Variants in AKAP13 observed in about 807,000 individuals in gnomAD.
AKAP13 encodes A-kinase anchor protein 13.
A neutral mutation model predicts 264.5 loss-of-function variants in AKAP13; 80 were observed. The observed-to-expected ratio is 0.30, with a 90% confidence interval of 0.25 to 0.36. The LOEUF (loss-of-function observed/expected upper bound fraction) is 0.36. Among genes scored for constraint, AKAP13 ranks in the 10% least tolerant of loss-of-function variants. AKAP13 has a pLI of 1.00. For missense variants in AKAP13, 3,712 were observed against 3,435.2 expected (o/e 1.08, Z -2.01); for synonymous variants, 1,380 against 1,250.2 (o/e 1.10, Z -2.19).
chr15:85,399,012 A>T (rs2071257836), intron 1 of AKAP13, among the ~76,000 whole-genome samples: 1 of 152,092 alleles, frequency 6.6e-6, no homozygotes, highest in Non-Finnish European at 1.5e-5. Flanking sequence ...CCTTATACAT[A>T]CATCTGTGTG....
chr15:85,706,005 CAT>C (rs1478551090), intron 17 of AKAP13, among the ~76,000 whole-genome samples: 4 of 152,230 alleles, frequency 2.6e-5, no homozygotes, highest in Non-Finnish European at 4.4e-5. Context: ...CGCTGAAAAA[CAT>C]AGATCTACTA....
At chr15:85,451,875 G>A (rs1248882602) in intron 1 of AKAP13, among the ~76,000 whole-genome samples, 2 of 152,190 alleles carry the variant, frequency 1.3e-5, no homozygotes, top group Non-Finnish European at 2.9e-5. Context: ...GAATATTGCA[G>A]GAGTTCTTTG....
chr15:85,541,381 C>A (rs559896231), intron 4 of AKAP13, among the ~76,000 whole-genome samples: 1 of 152,178 alleles, frequency 6.6e-6, no homozygotes, highest in African/African-American at 2.4e-5. Context: ...ATTGTAGGAT[C>A]TAGGTTGTTG....
intron 1 of AKAP13, among the ~76,000 whole-genome samples, chr15:85,399,944 C>CTTAT (rs2071343194): frequency 6.6e-6 from 1 of 152,104 alleles, no homozygotes; most frequent in African/African-American, 2.4e-5. Context: ...ATTAATATAA[C>CTTAT]TTATTTATTT....
intron 5 of AKAP13, among the ~76,000 whole-genome samples, chr15:85,558,172 A>G (rs2151253842): frequency 6.6e-6 from 1 of 152,318 alleles, no homozygotes; most frequent in East Asian, 1.9e-4. Flanking sequence ...TCTCTGACCC[A>G]CCTTACCTGT....
At position 85,727,031 on chromosome 15, in the gene AKAP13, A is replaced by G. The variant is rs778074118; in HGVS notation, c.6823-35A>G. 7 of 1,610,854 alleles carry G rather than the reference A, an allele frequency of 4.3e-6. No individual in the cohort carries two copies. The highest frequency in any genetic ancestry group is 5.9e-6 in the Non-Finnish European group (7 of 1,177,298). ...GTCCTTCAGAGTTAGAATATTGTAT[A>G]TGTATCTTTTATTTGCCCTCTTCCC... On this transcript the variant is annotated intron_variant, in intron 27 of 36. Coordinates refer to ENST00000394518, the MANE Select transcript of AKAP13 (RefSeq NM_007200.5). The surrounding 1 kb of genome is among the most constrained non-coding windows in gnomAD (Gnocchi z 5.3).
rs138192728 is a variant in AKAP13 at position 85,653,421 on chromosome 15, T to C, written c.4375-1996T>C. 9.5e-4 allele frequency among the ~76,000 whole-genome samples: 144 copies of C among 152,274 alleles called. 1 individual carries two copies. Among genetic ancestry groups the C allele is most frequent in the African/African-American group, 3.3e-3 (138 of 41,554 alleles). ...TGTCCAGTGATCCCCTTGCATCTTT[T>C]CTCTCATTCCCATACATTACTTAAA... On this transcript the variant is annotated intron_variant, in intron 10 of 36. Coordinates refer to ENST00000394518, the MANE Select transcript of AKAP13 (RefSeq NM_007200.5).
At chr15:85,590,296 G>A in intron 8 of AKAP13, among the ~76,000 whole-genome samples, 1 of 152,168 alleles carries the variant, frequency 6.6e-6, no homozygotes, top group East Asian at 1.9e-4. Context: ...TGGAAGTTTT[G>A]TAACATTCTC....
At chr15:85,726,102 A>G (rs951442802) in intron 26 of AKAP13, 2 of 225,510 alleles carry the variant, frequency 8.9e-6, no homozygotes, top group East Asian at 1.9e-4. Flanking sequence ...TTTATTCTTA[A>G]AAGTATTTTA....
chr15:85,538,047 A>AT (rs1567112858), intron 4 of AKAP13, among the ~76,000 whole-genome samples: 1 of 151,902 alleles, frequency 6.6e-6, no homozygotes, highest in Non-Finnish European at 1.5e-5. Context: ...GGGTAAGGAC[A>AT]TTTTTTTCTC....
chr15:85,738,046 C>A (rs1159357022), intron 33 of AKAP13, among the ~76,000 whole-genome samples: 1 of 152,152 alleles, frequency 6.6e-6, no homozygotes, highest in Non-Finnish European at 1.5e-5. Context: ...ATGGATTAGA[C>A]ACTATAAATG....
At chr15:85,591,885 G>T (rs910036949) in intron 8 of AKAP13, among the ~76,000 whole-genome samples, 8 of 152,078 alleles carry the variant, frequency 5.3e-5, no homozygotes, top group Non-Finnish European at 1.0e-4. Flanking sequence ...AGTATATATT[G>T]TCAGGGCTCC....
chr15:85,739,001 TATGCATTAAAAAC>T (rs902867264), intron 33 of AKAP13, among the ~76,000 whole-genome samples: 1 of 152,246 alleles, frequency 6.6e-6, no homozygotes, highest in African/African-American at 2.4e-5. Context: ...TTCCTCTTAA[TATGCATTAAAAAC>T]ATTTCCCCAA....
At position 85,473,542 on chromosome 15, in the gene AKAP13, G is replaced by A. The variant is rs187426344; in HGVS notation, c.-11-12168G>A. 7.2e-5 allele frequency among the ~76,000 whole-genome samples: 11 copies of A among 152,276 alleles called. No individual in the cohort carries two copies. The Middle Eastern group carries it at 0.017, about 235-fold the overall frequency. On this transcript the variant is annotated intron_variant, in intron 1 of 36. Transcript: ENST00000394518. ...CCACAGGAGGCCCCCACTGCAACACGCAGTTGGTTCAGTGCTAGATTAGTC... is the reference window on the plus strand; with the variant it reads ...CCACAGGAGGCCCCCACTGCAACACACAGTTGGTTCAGTGCTAGATTAGTC...
At chr15:85,549,144 T>C (rs973527095) in intron 5 of AKAP13, among the ~76,000 whole-genome samples, 3 of 152,176 alleles carry the variant, frequency 2.0e-5, no homozygotes, top group African/African-American at 7.2e-5. Context: ...CTACTTGATG[T>C]AGGACTTGAT....
chr15:85,619,166 G>A (rs1231985346), intron 8 of AKAP13, among the ~76,000 whole-genome samples: 9 of 151,998 alleles, frequency 5.9e-5, no homozygotes, highest in Non-Finnish European at 1.3e-4. Flanking sequence ...GGAGGAGGAG[G>A]AGGAAGAAGA....
rs577695195 is a variant in AKAP13 at position 85,576,753 on chromosome 15, A to G, written c.861+1424A>G. Among the ~76,000 whole-genome samples the G allele has an allele frequency of 4.6e-5, 7 of 152,282 alleles. No homozygotes were observed. The South Asian group carries it at 1.5e-3, about 32-fold the overall frequency. On this transcript the variant is annotated intron_variant, in intron 6 of 36. Transcript: ENST00000394518. ...TTGTGTTTGTTCCAGAGCACGTGAC[A>G]TTTCATTTTCCTCTGAATGGACTTC...
intron 5 of AKAP13, among the ~76,000 whole-genome samples, chr15:85,546,128 C>T (rs1238817821): frequency 6.6e-6 from 1 of 152,038 alleles, no homozygotes; most frequent in Non-Finnish European, 1.5e-5. Context: ...AAGGTTCACC[C>T]ATGTTGTAAC....
At chr15:85,630,312 C>G (rs1377052736) in intron 8 of AKAP13, among the ~76,000 whole-genome samples, 3 of 150,418 alleles carry the variant, frequency 2.0e-5, no homozygotes, top group African/African-American at 7.3e-5. Flanking sequence ...GGCCCAGTGT[C>G]TCTGTATATA....
Sources: gnomAD v4.1 joint callset for allele counts (sites outside exome capture counted in the v4.1 genomes callset) on GRCh38, gnomAD v4.1.1 for gene constraint, Gnocchi (gnomAD v3.1) non-coding constraint, MANE v1.5 for transcripts, NCBI Gene and HGNC (gene_info 2026-07-23, HGNC 2026-07-21) for gene names.